Variants in SUDS3 observed in about 807,000 individuals in gnomAD.
SUDS3 encodes sin3 histone deacetylase corepressor complex component SDS3.
SUDS3 carries 23 observed loss-of-function variants against 53.5 expected under a neutral mutation model. That is an observed-to-expected ratio of 0.43 (90% confidence interval 0.31 to 0.61). The LOEUF (loss-of-function observed/expected upper bound fraction) is 0.61, where lower values mean the gene tolerates loss of function less well. SUDS3 is among the 20% of genes least tolerant of loss of function. The pLI, the probability that SUDS3 is intolerant of heterozygous loss-of-function variation, is 0.10. For missense variants in SUDS3, 291 were observed against 405.9 expected, an observed-to-expected ratio of 0.72 and a Z score of 2.43; for synonymous variants, 150 against 148.5, an observed-to-expected ratio of 1.01 and a Z score of -0.08.
chr12:118,398,259 A>G (rs1329889506), intron 6 of SUDS3, among the ~76,000 whole-genome samples: 5 of 152,132 alleles, frequency 3.3e-5, no homozygotes, highest in African/African-American at 9.7e-5. Flanking sequence ...TGATACTTCT[A>G]TTCTCTAGAT....
At chr12:118,410,942 A>T in intron 10 of SUDS3, 131 bp from the exon 11 acceptor site, 1 of 766,998 alleles carries the variant, frequency 1.3e-6, no homozygotes, top group South Asian at 1.6e-5. Context: ...AATCCAGGCT[A>T]TTCCTCAAAT....
At chr12:118,405,025 C>T (rs1269384263) in intron 10 of SUDS3, among the ~76,000 whole-genome samples, 1 of 152,198 alleles carries the variant, frequency 6.6e-6, no homozygotes, top group Non-Finnish European at 1.5e-5. Flanking sequence ...TTCTTCCCCT[C>T]TGAGTTGGTG....
intron 10 of SUDS3, among the ~76,000 whole-genome samples, chr12:118,409,203 AG>A (rs2046335970): frequency 6.6e-6 from 1 of 150,404 alleles, no homozygotes; most frequent in African/African-American, 2.5e-5. Context: ...GCTGGAGTGC[AG>A]TGGCATGATC....
At chr12:118,390,478 G>C (rs761975498) in intron 5 of SUDS3, among the ~76,000 whole-genome samples, 6 of 152,160 alleles carry the variant, frequency 3.9e-5, no homozygotes, top group Non-Finnish European at 7.3e-5. Context: ...TACTTTTTGA[G>C]AAAGTCATGG....
intron 6 of SUDS3, among the ~76,000 whole-genome samples, chr12:118,394,864 T>C (rs2046199595): frequency 6.6e-6 from 1 of 152,058 alleles, no homozygotes; most frequent in South Asian, 2.1e-4. Flanking sequence ...TTTTGTACTT[T>C]TTGTAGAGAT....
At chr12:118,378,514 C>T (rs562724439) in intron 1 of SUDS3, among the ~76,000 whole-genome samples, 3 of 148,216 alleles carry the variant, frequency 2.0e-5, no homozygotes, top group Non-Finnish European at 4.4e-5. Context: ...TGGGGTCTCA[C>T]TCACTCACCC....
intron 4 of SUDS3, 130 bp from the exon 5 acceptor site, chr12:118,389,797 C>A: frequency 1.8e-6 from 2 of 1,109,940 alleles, no homozygotes; most frequent in Non-Finnish European, 2.7e-6. Context: ...ATCAACATTT[C>A]ACTGATGAAA....
At chr12:118,376,961 T>G in intron 1 of SUDS3, 128 bp downstream of exon 1, 1 of 1,226,192 alleles carries the variant, frequency 8.2e-7, no homozygotes, top group Admixed American at 3.7e-5. Flanking sequence ...CCGCCGGGAG[T>G]TGCGGGGCTC....
At position 118,376,949 on chromosome 12, in the gene SUDS3, G is replaced by C. The variant is rs1303615020; in HGVS notation, c.142+116G>C. 7 of 1,288,774 alleles carry C rather than the reference G, an allele frequency of 5.4e-6. No homozygotes were observed. The South Asian group carries it at 7.3e-5, about 13-fold the overall frequency. 79.8% of individuals were successfully genotyped at this position (1,288,774 alleles called of 1,614,324 possible). A position where few individuals can be genotyped will look rare whatever the true frequency, so the allele number is the denominator to read the frequency against. ...TCCGGGGCCTGGGGCTGCGTGGAGGGGCCGCCGGGAGTTGCGGGGCTCGGG... is the reference window on the plus strand; with the variant it reads ...TCCGGGGCCTGGGGCTGCGTGGAGGCGCCGCCGGGAGTTGCGGGGCTCGGG... On this transcript the variant is annotated intron_variant, in intron 1 of 11. Coordinates refer to ENST00000543473, the MANE Select transcript of SUDS3 (RefSeq NM_022491.3).
At chr12:118,387,612 C>T (rs762776765) in intron 4 of SUDS3, among the ~76,000 whole-genome samples, 11 of 151,196 alleles carry the variant, frequency 7.3e-5, no homozygotes, top group Non-Finnish European at 1.5e-4. Flanking sequence ...AGTGTGGTGG[C>T]GCTATCTCAG....
At chr12:118,378,388 G>T (rs1057184905) in intron 1 of SUDS3, among the ~76,000 whole-genome samples, 9 of 152,096 alleles carry the variant, frequency 5.9e-5, no homozygotes, top group Admixed American at 5.9e-4. Flanking sequence ...GATCTGTACT[G>T]AACATGTGCA....
chr12:118,404,961 A>AT (rs1219543951), intron 10 of SUDS3, among the ~76,000 whole-genome samples: 1 of 152,226 alleles, frequency 6.6e-6, no homozygotes, highest in African/African-American at 2.4e-5. Flanking sequence ...CAGTGAGTTA[A>AT]TTGCCCAGTA....
At chr12:118,410,887 G>A (rs1229584977) in intron 10 of SUDS3, among the ~76,000 whole-genome samples, 186 bp from the exon 11 acceptor site, 3 of 152,110 alleles carry the variant, frequency 2.0e-5, no homozygotes, top group Middle Eastern at 3.4e-3. Context: ...TTGAGCCACC[G>A]CGCCTGGCCT....
At chr12:118,381,681 C>T (rs1295252505) in intron 2 of SUDS3, among the ~76,000 whole-genome samples, 2 of 152,174 alleles carry the variant, frequency 1.3e-5, no homozygotes, top group Non-Finnish European at 2.9e-5. Flanking sequence ...GCGACCCTGC[C>T]TGGCCACATG....
At position 118,402,011 on chromosome 12, in the gene SUDS3, G is replaced by A. The variant is rs1279806129; in HGVS notation, c.697+7G>A. 1.2e-6 allele frequency: 2 copies of A among 1,613,924 alleles called. No homozygotes were observed. The highest frequency in any genetic ancestry group is 8.5e-7 in the Non-Finnish European group (1 of 1,179,862). ...AAGTCACCCAAGAGACCAGGTGAGT[G>A]CATGATGTGTTGGCATTTGTGCAAC... On this transcript the variant is annotated splice_region_variant and intron_variant, in intron 9 of 11. Transcript: ENST00000543473.
intron 10 of SUDS3, among the ~76,000 whole-genome samples, chr12:118,409,861 G>T (rs1169267762): frequency 6.6e-6 from 1 of 152,238 alleles, no homozygotes; most frequent in East Asian, 1.9e-4. Flanking sequence ...TCCCATTTGG[G>T]CTTTGGCCCC....
At chr12:118,400,638 C>T (rs1379576766) in intron 6 of SUDS3, 21 bp from the exon 7 acceptor site, 1 of 1,609,788 alleles carries the variant, frequency 6.2e-7, no homozygotes, top group Non-Finnish European at 8.5e-7. Flanking sequence ...GATAGATTTA[C>T]CCATTCCATT....
At chr12:118,403,828 T>C (rs1483200616) in intron 10 of SUDS3, among the ~76,000 whole-genome samples, 1 of 152,174 alleles carries the variant, frequency 6.6e-6, no homozygotes, top group African/African-American at 2.4e-5. Context: ...GTCCCCCCTC[T>C]GACCCCTCTT....
chr12:118,395,287 G>A (rs2062524), intron 6 of SUDS3, among the ~76,000 whole-genome samples: 26 of 143,598 alleles, frequency 1.8e-4, no homozygotes, highest in African/African-American at 5.4e-4. Flanking sequence ...GTGCAGTGGC[G>A]CGATCTCGGC....
Sources: allele counts gnomAD v4.1 joint callset (sites outside exome capture counted in the v4.1 genomes callset), GRCh38; gene constraint gnomAD v4.1.1; transcripts MANE v1.5; gene names NCBI Gene and HGNC (gene_info 2026-07-23, HGNC 2026-07-21).